The following CPM variants were observed in gnomAD, a reference collection of about 807,000 sequenced individuals.
CPM encodes renal carboxypeptidase.
CPM carries 35 observed loss-of-function variants against 46.4 expected under a neutral mutation model. The observed-to-expected ratio is 0.75, with a 90% CI of 0.58 to 1.00. The LOEUF (loss-of-function observed/expected upper bound fraction) is 1.00, where lower values mean the gene tolerates loss of function less well. Among genes scored for constraint, CPM ranks in the 50% least tolerant of loss-of-function variants. The pLI, the probability that CPM is intolerant of heterozygous loss-of-function variation, is 0.00. For synonymous variants in CPM, 195 were observed against 195.3 expected, an observed-to-expected ratio of 1.00 and a Z score of 0.01; for missense variants, 422 against 530.4, an observed-to-expected ratio of 0.80 and a Z score of 2.01.
At chr12:68,878,334 A>C (rs1171553719) in intron 3 of CPM, among the ~76,000 whole-genome samples, 1 of 152,252 alleles carries the variant, frequency 6.6e-6, no homozygotes, top group Non-Finnish European at 1.5e-5. Flanking sequence ...CAAGATTAGA[A>C]ATTATGGCTT....
intron 2 of CPM, among the ~76,000 whole-genome samples, chr12:68,913,006 T>A (rs1057048934): frequency 1.3e-5 from 2 of 152,056 alleles, no homozygotes; most frequent in African/African-American, 4.8e-5. Context: ...ACTCCCAGGA[T>A]GCACAGGGGC....
At chr12:68,911,590 G>A (rs1887596884) in intron 2 of CPM, among the ~76,000 whole-genome samples, 1 of 152,158 alleles carries the variant, frequency 6.6e-6, no homozygotes, top group African/African-American at 2.4e-5. Context: ...AGTAGTTTGA[G>A]GGTTTTAAAC....
At chr12:68,878,127 G>A (rs1013540696) in intron 3 of CPM, among the ~76,000 whole-genome samples, 14 of 152,194 alleles carry the variant, frequency 9.2e-5, no homozygotes, top group African/African-American at 2.9e-4. Context: ...AAGTGAAACT[G>A]CCTTTGCAAA....
At chr12:68,876,914 GT>G (rs1885979689) in intron 3 of CPM, among the ~76,000 whole-genome samples, 1 of 128,958 alleles carries the variant, frequency 7.8e-6, no homozygotes, top group Non-Finnish European at 1.8e-5. Context: ...GTGTGTGTGT[GT>G]GTGTGAGAGA....
chr12:68,962,155 G>A (rs1474092161), intron 1 of CPM, among the ~76,000 whole-genome samples: 3 of 148,980 alleles, frequency 2.0e-5, no homozygotes, highest in Non-Finnish European at 4.4e-5. Flanking sequence ...AGCCAAGATA[G>A]CGCCACTGCA....
intron 2 of CPM, among the ~76,000 whole-genome samples, chr12:68,894,509 T>C (rs1886786881): frequency 6.6e-6 from 1 of 152,274 alleles, no homozygotes; most frequent in East Asian, 1.9e-4. Context: ...GGTTCCTTTC[T>C]GCACCCTAGT....
Position 68,855,061 on chromosome 12 carries a change from T to C in CPM, c.*1376A>G, listed in dbSNP as rs897116049. ...TTTTAGTAGAGATGGGGTTTCACCA[T>C]GTTGGCCAGGCTGGTCTTGAGCTCC... is the stretch of plus-strand genomic sequence containing the variant. On this transcript the variant is annotated 3_prime_UTR_variant, in exon 9 of 9. Coordinates refer to ENST00000551568, the MANE Select transcript of CPM (RefSeq NM_198320.5). The C allele has an allele frequency of 3.3e-5, 5 of 151,688 alleles. No homozygotes were observed. Among genetic ancestry groups the C allele is most frequent in the African/African-American group, 1.2e-4 (5 of 41,212 alleles). The allele number at this position is 151,688 out of a possible 1,614,324, so 9.4% of individuals were successfully genotyped here.
chr12:68,864,228 T>C (rs1445233328), intron 7 of CPM, among the ~76,000 whole-genome samples: 4 of 152,220 alleles, frequency 2.6e-5, no homozygotes, highest in Non-Finnish European at 5.9e-5. Context: ...GCGGATCACC[T>C]GAGGTCAGGA....
intron 2 of CPM, among the ~76,000 whole-genome samples, chr12:68,920,943 C>T (rs941680902): frequency 2.6e-5 from 4 of 151,392 alleles, no homozygotes; most frequent in East Asian, 1.9e-4. Context: ...CTTAAGCAAT[C>T]GGCCTGCCTT....
intron 3 of CPM, among the ~76,000 whole-genome samples, chr12:68,876,788 G>A (rs1003998105): frequency 2.0e-5 from 3 of 152,006 alleles, no homozygotes; most frequent in Admixed American, 2.0e-4. Context: ...TGAGTGTTCT[G>A]GTTCTTCACA....
intron 2 of CPM, among the ~76,000 whole-genome samples, chr12:68,925,995 C>A (rs973176072): frequency 6.6e-6 from 1 of 152,176 alleles, no homozygotes; most frequent in African/African-American, 2.4e-5. Flanking sequence ...TGGTTCACTG[C>A]AACCTCCACC....
At chr12:68,916,493 A>G (rs1231230864) in intron 2 of CPM, among the ~76,000 whole-genome samples, 1 of 152,196 alleles carries the variant, frequency 6.6e-6, no homozygotes, top group Non-Finnish European at 1.5e-5. Flanking sequence ...ATTTTTACAC[A>G]CTTAATATTA....
At chr12:68,901,343 G>C (rs1162239584) in intron 2 of CPM, among the ~76,000 whole-genome samples, 1 of 152,220 alleles carries the variant, frequency 6.6e-6, no homozygotes, top group Non-Finnish European at 1.5e-5. Context: ...GAGAGGTCAG[G>C]TTGTTCACCT....
intron 1 of CPM, chr12:68,957,731 G>A (rs1234139551): frequency 6.7e-6 from 1 of 149,464 alleles, no homozygotes; most frequent in Non-Finnish European, 1.5e-5. Context: ...TAGGGTACAT[G>A]TGCACAATGT....
At chr12:68,958,492 C>T (rs766320544) in intron 1 of CPM, among the ~76,000 whole-genome samples, 9 of 152,014 alleles carry the variant, frequency 5.9e-5, no homozygotes, top group Non-Finnish European at 1.3e-4. Flanking sequence ...CAAACCAAAA[C>T]CCCAGGAGTC....
intron 2 of CPM, among the ~76,000 whole-genome samples, chr12:68,887,808 G>C (rs1306368447): frequency 6.6e-6 from 1 of 152,158 alleles, no homozygotes; most frequent in African/African-American, 2.4e-5. Context: ...TTTTTCCAAG[G>C]AGGGGGCTGA....
At position 68,876,919 on chromosome 12, in the gene CPM, T is replaced by TGA. The variant is rs934166312; in HGVS notation, c.259-4965_259-4964dup. On this transcript the variant is annotated intron_variant, in intron 3 of 8. Transcript: ENST00000551568. The stretch of plus-strand genomic sequence containing the variant: ...GTGTGTGTGTGTGTGTGTGTGTGTG[T>TGA]GAGAGAGAGAGAGAGAGAGAATCTT... 3.6e-3 allele frequency among the ~76,000 whole-genome samples: 241 copies of TGA among 66,084 alleles called. 1 individual carries two copies. The highest frequency in any genetic ancestry group is 7.1e-3 in the Middle Eastern group (1 of 140). The allele number at this position is 66,084 out of a possible 152,430, so 43.4% of individuals were successfully genotyped here. A position where few individuals can be genotyped will look rare whatever the true frequency, so the allele number is the denominator to read the frequency against.
upstream of CPM, among the ~76,000 whole-genome samples, chr12:68,934,241 C>T (rs2136326622): frequency 6.6e-6 from 1 of 152,204 alleles, no homozygotes; most frequent in South Asian, 2.1e-4. Context: ...TTTGAGATAA[C>T]ATTCCACTTT....
chr12:68,850,277 C>A (rs1333943099), downstream of CPM: 1 of 136,514 alleles, frequency 7.3e-6, no homozygotes, highest in Non-Finnish European at 1.6e-5. Flanking sequence ...CAGAGCGAGA[C>A]TTCGTCCCAA....
Sources: gnomAD v4.1 joint callset for allele counts (sites outside exome capture counted in the v4.1 genomes callset) on GRCh38, gnomAD v4.1.1 for gene constraint, MANE v1.5 for transcripts, NCBI Gene and HGNC (gene_info 2026-07-23, HGNC 2026-07-21) for gene names.